Variants in DHX15 observed in about 807,000 individuals in gnomAD.
The protein encoded by DHX15 is DEAH-box helicase 15.
In DHX15, 11 loss-of-function variants were observed where a neutral mutation model predicts 94.4. The observed-to-expected ratio is 0.12, with a 90% CI of 0.07 to 0.19. The LOEUF (loss-of-function observed/expected upper bound fraction) is 0.19, where lower values mean the gene tolerates loss of function less well. Among genes scored for constraint, DHX15 ranks in the 10% least tolerant of loss-of-function variants. DHX15 has a pLI of 1.00. For synonymous variants in DHX15, 338 were observed against 329.9 expected (o/e 1.02, Z -0.27); for missense variants, 304 against 988.5 (o/e 0.31, Z 9.29).
chr4:24,573,485 C>T (rs781693522), intron 2 of DHX15, among the ~76,000 whole-genome samples: 16 of 152,312 alleles, frequency 1.1e-4, no homozygotes, highest in East Asian at 3.9e-4. Flanking sequence ...CTCCAAAATA[C>T]TTGTAATTCC....
chr4:24,528,377 A>AT (rs1250939363), intron 13 of DHX15, among the ~76,000 whole-genome samples: 1 of 152,232 alleles, frequency 6.6e-6, no homozygotes, highest in Non-Finnish European at 1.5e-5. Context: ...ATATAGTAAT[A>AT]TATAACAGGT....
At chr4:24,583,007 C>T (rs1160282199) in intron 1 of DHX15, among the ~76,000 whole-genome samples, 1 of 152,166 alleles carries the variant, frequency 6.6e-6, no homozygotes, top group African/African-American at 2.4e-5. Context: ...AAAAAGTACA[C>T]CCTATCCTGG....
intron 5 of DHX15, among the ~76,000 whole-genome samples, chr4:24,549,425 TG>T (rs1234670751): frequency 2.6e-5 from 4 of 152,248 alleles, no homozygotes; most frequent in Non-Finnish European, 4.4e-5. Flanking sequence ...TAGGCTTTAA[TG>T]TCACGTATCA....
chr4:24,540,934 A>G lies in DHX15; in HGVS notation c.1500T>C (p.Pro500=). Residue 500 remains proline, a synonymous_variant, in exon 9 of 14, where the codon CCT becomes CCC. Coordinates refer to ENST00000336812, the MANE Select transcript of DHX15 (RefSeq NM_001358.3). ...YKTEMQDNTY[P]EILRSNLGSV... The stretch of plus-strand genomic sequence containing the variant: ...ATCCTAAATTAGAACGCAAAATCTC[A>G]GGATAGGTGTTATCCTAGCAAAGAA... 1 of 1,587,690 alleles carries G rather than the reference A, an allele frequency of 6.3e-7. No individual in the cohort carries two copies. Among genetic ancestry groups the G allele is most frequent in the Non-Finnish European group, 8.6e-7 (1 of 1,157,938 alleles).
At chr4:24,529,431 AAAGG>A (rs1721032718) in intron 13 of DHX15, among the ~76,000 whole-genome samples, 166 bp downstream of exon 13, 1 of 152,214 alleles carries the variant, frequency 6.6e-6, no homozygotes, top group African/African-American at 2.4e-5. Context: ...TCCACTTAAC[AAAGG>A]AAGGGTGTGA....
chr4:24,540,782 C>A, intron 9 of DHX15, 58 bp downstream of exon 9: 1 of 962,804 alleles, frequency 1.0e-6, no homozygotes, highest in South Asian at 1.5e-5. Flanking sequence ...TGGAGAAAAA[C>A]ACTAAGAGTC....
chr4:24,574,397 G>C (rs1028556367), intron 2 of DHX15, among the ~76,000 whole-genome samples: 8 of 151,962 alleles, frequency 5.3e-5, no homozygotes, highest in African/African-American at 1.9e-4. Context: ...AAATCCCCCA[G>C]ATGTGCTGCA....
intron 1 of DHX15, among the ~76,000 whole-genome samples, chr4:24,583,150 A>G (rs1310819317): frequency 6.6e-6 from 1 of 152,240 alleles, no homozygotes; most frequent in Non-Finnish European, 1.5e-5. Flanking sequence ...CAATAAAATG[A>G]TACAATTATG....
intron 11 of DHX15, among the ~76,000 whole-genome samples, chr4:24,535,258 T>C (rs550454853): frequency 6.6e-6 from 1 of 152,316 alleles, no homozygotes; most frequent in South Asian, 2.1e-4. Flanking sequence ...TTATTAGTTG[T>C]ATTTTGATGT....
At chr4:24,545,780 A>G (rs7678314) in intron 6 of DHX15, among the ~76,000 whole-genome samples, 149,802 of 152,300 alleles carry the variant, frequency 0.98, 73,716 homozygotes, top group East Asian at 1. Flanking sequence ...TGAATTTGTC[A>G]AGGGATTTAC....
chr4:24,546,793 CAATT>C (rs1296722582), intron 6 of DHX15, among the ~76,000 whole-genome samples: 1 of 152,074 alleles, frequency 6.6e-6, no homozygotes, highest in Admixed American at 6.5e-5. Flanking sequence ...TACAGAATCA[CAATT>C]AATTTGATGG....
chr4:24,541,535 C>A (rs1402437462), intron 8 of DHX15, among the ~76,000 whole-genome samples: 1 of 151,846 alleles, frequency 6.6e-6, no homozygotes, highest in Non-Finnish European at 1.5e-5. Flanking sequence ...AAAGTTGAAA[C>A]CTAGTAACAA....
intron 5 of DHX15, 116 bp downstream of exon 5, chr4:24,554,609 T>C (rs1721687172): frequency 2.6e-6 from 2 of 758,006 alleles, no homozygotes; most frequent in Admixed American, 4.9e-5. Flanking sequence ...ATTAATACAA[T>C]CAGGTTGAAG....
intron 6 of DHX15, among the ~76,000 whole-genome samples, chr4:24,547,889 C>G (rs372447660): frequency 0.031 from 319 of 10,174 alleles, 11 homozygotes; most frequent in Middle Eastern, 0.17. Context: ...CTCTCTCTCT[C>G]TATGTATGTA....
At chr4:24,569,849 T>C (rs1399355624) in intron 3 of DHX15, among the ~76,000 whole-genome samples, 1 of 152,212 alleles carries the variant, frequency 6.6e-6, no homozygotes, top group African/African-American at 2.4e-5. Flanking sequence ...GAGCACACTG[T>C]AGCCTTGAAC....
At chr4:24,571,098 C>A (rs1722111522) in intron 2 of DHX15, among the ~76,000 whole-genome samples, 1 of 152,180 alleles carries the variant, frequency 6.6e-6, no homozygotes, top group Non-Finnish European at 1.5e-5. Context: ...GTGTGACTAT[C>A]CCATCATGAA....
chr4:24,584,125 C>T, intron 1 of DHX15, 198 bp downstream of exon 1: 1 of 590,790 alleles, frequency 1.7e-6, no homozygotes, highest in African/African-American at 2.0e-5. Context: ...GGCAGCGGCC[C>T]CGTCGCACGC....
At chr4:24,531,668 G>A (rs1721086662) in intron 12 of DHX15, among the ~76,000 whole-genome samples, 2 of 152,000 alleles carry the variant, frequency 1.3e-5, no homozygotes, top group South Asian at 2.1e-4. Flanking sequence ...GCAGTGAGCC[G>A]TGATTGCACC....
intron 5 of DHX15, among the ~76,000 whole-genome samples, chr4:24,549,390 T>C (rs1485249967): frequency 6.6e-6 from 1 of 152,222 alleles, no homozygotes; most frequent in Non-Finnish European, 1.5e-5. Context: ...GAAATTGATG[T>C]GCTAGACATT....
Sources: gnomAD v4.1 joint callset for allele counts (sites outside exome capture counted in the v4.1 genomes callset) on GRCh38, gnomAD v4.1.1 for gene constraint, MANE v1.5 for transcripts, NCBI Gene and HGNC (gene_info 2026-07-23, HGNC 2026-07-21) for gene names.